Variants in ABCB10 observed in about 807,000 individuals in gnomAD.
ABCB10 encodes the protein ATP-binding cassette sub-family B member 10, mitochondrial.
ABCB10 carries 54 observed loss-of-function variants against 65.4 expected under a neutral mutation model. The observed-to-expected ratio is 0.83, with a 90% CI of 0.66 to 1.04. The LOEUF is 1.04. Ranked by LOEUF, ABCB10 falls within the 50% of genes least tolerant of loss-of-function variation. The pLI is 0.00. For synonymous variants in ABCB10, 418 were observed against 406.5 expected, an observed-to-expected ratio of 1.03 and a Z score of -0.34; for missense variants, 846 against 976.6, an observed-to-expected ratio of 0.87 and a Z score of 1.78.
chr1:229,535,593 A>C (rs1040370536), intron 6 of ABCB10, among the ~76,000 whole-genome samples: 1 of 152,232 alleles, frequency 6.6e-6, no homozygotes, highest in Non-Finnish European at 1.5e-5. Flanking sequence ...TGAGGCAGTA[A>C]AACTACTCTG....
chr1:229,528,069 TGAC>T (rs1411552339), intron 8 of ABCB10, among the ~76,000 whole-genome samples: 1 of 152,182 alleles, frequency 6.6e-6, no homozygotes, highest in Non-Finnish European at 1.5e-5. Context: ...TTGGTGATGA[TGAC>T]AACAGTGACA....
intron 4 of ABCB10, 43 bp downstream of exon 4, chr1:229,542,194 C>T (rs372637629): frequency 2.5e-6 from 4 of 1,605,190 alleles, no homozygotes; most frequent in African/African-American, 1.3e-5. Context: ...CTGGCTATGA[C>T]CCCATTCTGC....
chr1:229,526,060 G>A lies in ABCB10; in HGVS notation c.1782C>T (p.Asp594=), dbSNP rs1467783089. ...IAENIAYGAD[D]PSSVTAEEIQ... is the part of the protein sequence containing the mutation. ...TTTCCTCAGCGGTCACAGAGGAAGG[G>A]TCATCAGCACCATAAGCAATGTTCT... The change falls in exon 10 of 13, where the codon GAC becomes GAT. Residue 594 remains aspartate (D), a synonymous_variant. Transcript: ENST00000344517. 7 of 1,614,206 alleles carry A rather than the reference G, an allele frequency of 4.3e-6. No homozygotes were observed. In the Admixed American group the frequency reaches 8.3e-5, roughly 19 times the overall value.
At chr1:229,531,878 G>A (rs1662593372) in intron 6 of ABCB10, 147 bp from the exon 7 acceptor site, 1 of 500,634 alleles carries the variant, frequency 2.0e-6, no homozygotes, top group Non-Finnish European at 3.4e-6. Context: ...AGCTTCCTGG[G>A]AACTGATACT....
At chr1:229,541,782 A>T (rs1662852225) in intron 4 of ABCB10, among the ~76,000 whole-genome samples, 1 of 152,006 alleles carries the variant, frequency 6.6e-6, no homozygotes, top group African/African-American at 2.4e-5. Context: ...TCTACAAAAA[A>T]TTTTAAAAAT....
At chr1:229,530,106 G>C (rs1381149045) in intron 8 of ABCB10, 93 bp downstream of exon 8, 10 of 1,219,990 alleles carry the variant, frequency 8.2e-6, no homozygotes, top group Non-Finnish European at 1.2e-5. Flanking sequence ...TACAAAATAA[G>C]GTATTTGCAT....
At chr1:229,551,877 C>A (rs759625752) in intron 1 of ABCB10, among the ~76,000 whole-genome samples, 1 of 152,200 alleles carries the variant, frequency 6.6e-6, no homozygotes, top group African/African-American at 2.4e-5. Context: ...TCTGTTCTTT[C>A]GCCTCAGTGA....
In ABCB10 at chr1:229,549,220, G is replaced by A; in HGVS notation, c.718+14C>T. The A allele has an allele frequency of 2.5e-6, 4 of 1,613,848 alleles. No individual in the cohort carries two copies. Among genetic ancestry groups the A allele is most frequent in the East Asian group, 2.2e-5 (1 of 44,872 alleles). ...TTCAGGATGACTCACATCCCTGAGA[G>A]GAGAGACTGTTACCTGAAGTTTGCA... On this transcript the variant is annotated intron_variant, in intron 2 of 12. Transcript: ENST00000344517.
At chr1:229,529,135 C>CA (rs1405661761) in intron 8 of ABCB10, among the ~76,000 whole-genome samples, 6 of 144,278 alleles carry the variant, frequency 4.2e-5, no homozygotes, top group South Asian at 2.2e-4. Flanking sequence ...ACTAAAAATA[C>CA]AAAAAAAATT....
intron 12 of ABCB10, 80 bp downstream of exon 12, chr1:229,518,761 G>A: frequency 8.5e-7 from 1 of 1,179,064 alleles, no homozygotes. Context: ...TCACTTTGAG[G>A]TACAGAATTA....
intron 1 of ABCB10, among the ~76,000 whole-genome samples, chr1:229,554,962 G>A (rs1401642815): frequency 6.6e-6 from 1 of 152,146 alleles, no homozygotes. Flanking sequence ...CAGGCTTCAG[G>A]TTCTCAGAGC....
intron 8 of ABCB10, 33 bp from the exon 9 acceptor site, chr1:229,527,341 T>G: frequency 1.3e-6 from 2 of 1,580,372 alleles, no homozygotes; most frequent in South Asian, 2.2e-5. Flanking sequence ...AAAGAGTCAC[T>G]GAGTGTGATG....
At position 229,543,046 on chromosome 1, in the gene ABCB10, G is replaced by A. The variant is rs372783514; in HGVS notation, c.922-675C>T. Among the ~76,000 whole-genome samples the A allele has an allele frequency of 8.0e-5, 12 of 150,572 alleles. No individual in the cohort carries two copies. In the East Asian group the frequency reaches 1.6e-3, roughly 20 times the overall value. Reference sequence around the variant, plus strand: ...CTCGGGAGGCTGAGGAAGGAGAATCGCTTGAACCCGGGAGGTGGAGGTTGC... The same window carrying A: ...CTCGGGAGGCTGAGGAAGGAGAATCACTTGAACCCGGGAGGTGGAGGTTGC... On this transcript the variant is annotated intron_variant, in intron 3 of 12. Coordinates refer to ENST00000344517, the MANE Select transcript of ABCB10 (RefSeq NM_012089.3).
intron 10 of ABCB10, 77 bp downstream of exon 10, chr1:229,525,859 C>G (rs1227349972): frequency 6.6e-7 from 1 of 1,507,948 alleles, no homozygotes; most frequent in Non-Finnish European, 8.9e-7. Flanking sequence ...ACAAAACAAA[C>G]AAACAAAAAA....
chr1:229,531,955 T>G (rs1045513912), intron 6 of ABCB10: 6 of 376,178 alleles, frequency 1.6e-5, no homozygotes, highest in African/African-American at 1.1e-4. Flanking sequence ...TAGTTTTTTT[T>G]TTTTTTTTTT....
chr1:229,558,517 G>A lies in ABCB10; in HGVS notation c.136C>T (p.Leu46=), dbSNP rs1176878186. The A allele has an allele frequency of 4.9e-6, 7 of 1,422,218 alleles. No homozygotes were observed. In the African/African-American group the frequency reaches 9.0e-5, roughly 18 times the overall value. 88.1% of individuals were successfully genotyped at this position (1,422,218 alleles called of 1,614,324 possible). A position where few individuals can be genotyped will look rare whatever the true frequency, so the allele number is the denominator to read the frequency against. ...GCGCCCCATAGCCGCGCCGGCCTCA[G>A]GCCAGTGAACGGCGATAGGGACCCG... ...VPGSLSPFTG[L]RPARLWGAGP... The change falls in exon 1 of 13, where the codon CTG becomes TTG. Residue 46 remains leucine, a synonymous_variant. Transcript: ENST00000344517.
Position 229,521,621 on chromosome 1 carries a change from G to C in ABCB10, c.1921C>G (p.Arg641Gly). ...AGCAGAGCACGGGCAATCGCAATCC[G>C]CTGTTTCTGCCCACCTGACAAAGAC... ...GVLLSGGQKQ[R>G]IAIARALLKN... The change falls in exon 11 of 13, where the codon CGG becomes GGG. Residue 641 changes from arginine (R) to glycine (G), a missense_variant. This residue lies in a region of ABCB10 where 632 missense variants were observed against 803.2 expected (regional missense o/e 0.79). Coordinates refer to ENST00000344517, the MANE Select transcript of ABCB10 (RefSeq NM_012089.3). 6.2e-7 allele frequency: 1 copy of C among 1,612,454 alleles called. No individual in the cohort carries two copies. The highest frequency in any genetic ancestry group is 8.5e-7 in the Non-Finnish European group (1 of 1,179,198).
chr1:229,540,561 T>G (rs1300859623), intron 5 of ABCB10, 45 bp downstream of exon 5: 3 of 1,566,664 alleles, frequency 1.9e-6, no homozygotes, highest in Non-Finnish European at 2.6e-6. Flanking sequence ...ACTCTCACCA[T>G]TCTAACATTT....
rs376871639 is a variant in ABCB10, at chr1:229,539,525, C to G, written c.1270G>C (p.Ala424Pro). The G allele has an allele frequency of 6.2e-7, 1 of 1,613,906 alleles. No homozygotes were observed. The highest frequency in any genetic ancestry group is 8.5e-7 in the Non-Finnish European group (1 of 1,179,932). The change falls in exon 6 of 13, where the codon GCC becomes CCC. Residue 424 changes from alanine (A) to proline (P), a missense_variant. Physicochemically the swap from Ala to Pro is conservative, Grantham distance 27. This residue lies in a region of ABCB10 where 632 missense variants were observed against 803.2 expected (regional missense o/e 0.79). Coordinates refer to ENST00000344517, the MANE Select transcript of ABCB10 (RefSeq NM_012089.3). ...GAGAGTTCACCCACGGTCATGTGGG[C>G]ACTGCCCATCAGCAGCCCTCCTTTG... is the stretch of plus-strand genomic sequence containing the variant. ...LYKGGLLMGS[A>P]HMTVGELSSF...
Sources: allele counts gnomAD v4.1 joint callset (sites outside exome capture counted in the v4.1 genomes callset), GRCh38; gene constraint gnomAD v4.1.1; regional missense constraint gnomAD v4.1.1; transcripts MANE v1.5; gene names NCBI Gene and HGNC (gene_info 2026-07-23, HGNC 2026-07-21).